The following SPMAP2 variants were observed in gnomAD, a reference collection of about 807,000 sequenced individuals.
SPMAP2 encodes the protein sperm microtubule associated protein 2.
the SPMAP2 span, among the ~76,000 whole-genome samples, chr19:370,646 G>A: frequency 6.6e-5 from 10 of 152,242 alleles, no homozygotes; most frequent in South Asian, 4.1e-4. Flanking sequence ...CACCGCGCCC[G>A]GCGTATTCAC....
At chr19:364,188 T>A in the SPMAP2 span, among the ~76,000 whole-genome samples, 2 of 148,770 alleles carry the variant, frequency 1.3e-5, no homozygotes, top group Non-Finnish European at 3.0e-5. Flanking sequence ...AAAAAAAAAA[T>A]TAGCCGGGCG....
chr19:369,095 C>T, the SPMAP2 span, among the ~76,000 whole-genome samples: 1 of 152,196 alleles, frequency 6.6e-6, no homozygotes, highest in Admixed American at 6.5e-5. Flanking sequence ...GAAATTCCTA[C>T]TGAAGTTTTA....
At chr19:374,151 C>G in the SPMAP2 span, 1 of 1,475,418 alleles carries the variant, frequency 6.8e-7, no homozygotes, top group South Asian at 1.2e-5. Context: ...ACCTCCTTAA[C>G]TGGCCAACCC....
chr19:363,030 C>T, the SPMAP2 span, among the ~76,000 whole-genome samples: 3 of 152,136 alleles, frequency 2.0e-5, no homozygotes, highest in South Asian at 2.1e-4. Flanking sequence ...CGGAAGTGAA[C>T]GTGTAGGTGC....
At chr19:363,825 G>A in the SPMAP2 span, among the ~76,000 whole-genome samples, 20 of 151,662 alleles carry the variant, frequency 1.3e-4, no homozygotes, top group East Asian at 2.0e-4. Context: ...GTGGGCCACC[G>A]TGCCCGGCCC....
chr19:363,959 C>T, the SPMAP2 span, among the ~76,000 whole-genome samples: 2 of 152,204 alleles, frequency 1.3e-5, no homozygotes, highest in Admixed American at 6.5e-5. Context: ...ACCTCAGCCT[C>T]GCAAGTAGCT....
the SPMAP2 span, chr19:372,742 A>G: frequency 3.1e-6 from 5 of 1,598,550 alleles, no homozygotes; most frequent in South Asian, 4.4e-5. Flanking sequence ...CCCAGTGTCA[A>G]CACCCTGCAG....
At chr19:373,542 C>T in the SPMAP2 span, 171 of 1,612,588 alleles carry the variant, frequency 1.1e-4, no homozygotes, top group East Asian at 1.3e-3. Context: ...CTGGAATAAG[C>T]GGACGGCTCA....
At chr19:371,808 G>A in the SPMAP2 span, among the ~76,000 whole-genome samples, 5 of 152,224 alleles carry the variant, frequency 3.3e-5, no homozygotes, top group Non-Finnish European at 7.3e-5. Flanking sequence ...TCAGGTCTCA[G>A]CTATGCCTCT....
chr19:375,555 G>C, the SPMAP2 span: 1 of 1,197,366 alleles, frequency 8.4e-7, no homozygotes, highest in Non-Finnish European at 1.1e-6. Flanking sequence ...CAGGCCGGTG[G>C]CCGGTTACGA....
chr19:365,579 C>T, the SPMAP2 span, among the ~76,000 whole-genome samples: 8 of 119,796 alleles, frequency 6.7e-5, no homozygotes, highest in South Asian at 3.0e-4. Flanking sequence ...CCCCACCACA[C>T]AGCAAGTGTG....
At chr19:373,807 G>A in the SPMAP2 span, 2 of 878,426 alleles carry the variant, frequency 2.3e-6, no homozygotes, top group Admixed American at 2.1e-5. Flanking sequence ...CAAGGGTGGA[G>A]AGCCCCACAT....
the SPMAP2 span, chr19:374,117 C>T: frequency 6.8e-7 from 1 of 1,461,860 alleles, no homozygotes; most frequent in Admixed American, 1.9e-5. Flanking sequence ...GCCACCGTTC[C>T]CTAGCCACTC....
the SPMAP2 span, among the ~76,000 whole-genome samples, chr19:364,076 G>C: frequency 6.6e-6 from 1 of 151,390 alleles, no homozygotes; most frequent in African/African-American, 2.4e-5. Context: ...GCTCATGCCT[G>C]TAATCCCAGC....
At chr19:370,066 C>T in the SPMAP2 span, among the ~76,000 whole-genome samples, 2 of 152,106 alleles carry the variant, frequency 1.3e-5, no homozygotes, top group South Asian at 4.1e-4. Context: ...CACCTGGGCT[C>T]CCACTCCCGG....
chr19:372,348 C>T, the SPMAP2 span, among the ~76,000 whole-genome samples: 9 of 152,186 alleles, frequency 5.9e-5, no homozygotes, highest in South Asian at 2.1e-4. Context: ...CATCTGAGCA[C>T]GCACTGTGTC....
the SPMAP2 span, among the ~76,000 whole-genome samples, chr19:369,948 A>G: frequency 1.3e-5 from 2 of 152,190 alleles, no homozygotes; most frequent in African/African-American, 4.8e-5. Flanking sequence ...GTATACGTGC[A>G]AGTCACAGGG....
At chr19:366,919 C>T in the SPMAP2 span, 1 of 956,378 alleles carries the variant, frequency 1.0e-6, no homozygotes, top group South Asian at 1.6e-5. Context: ...ACAACACCCT[C>T]TGCTTCCGGA....
the SPMAP2 span, chr19:362,144 A>C: frequency 7.6e-7 from 1 of 1,317,358 alleles, no homozygotes. Flanking sequence ...AAAAGCTCAG[A>C]ATAATCACAT....
Sources: allele counts gnomAD v4.1 joint callset (sites outside exome capture counted in the v4.1 genomes callset), GRCh38; gene constraint gnomAD v4.1.1; transcripts MANE v1.5; gene names NCBI Gene and HGNC (gene_info 2026-07-23, HGNC 2026-07-21).